The following BCL3 variants were observed in gnomAD, a reference collection of about 807,000 sequenced individuals.
The protein encoded by BCL3 is BCL3 transcription coactivator, also known as B-cell lymphoma 3 protein.
A neutral mutation model predicts 35.7 loss-of-function variants in BCL3; 15 were observed. The ratio of observed to expected loss-of-function variants is 0.42; its 90% confidence interval spans 0.28 to 0.65. BCL3 has a LOEUF of 0.65. BCL3 is among the 30% of genes least tolerant of loss of function. BCL3 has a pLI of 0.22. For missense variants in BCL3, 565 were observed against 641.7 expected (o/e 0.88, Z 1.29); for synonymous variants, 311 against 284.3 (o/e 1.09, Z -0.95).
At position 44,758,383 on chromosome 19, in the gene BCL3, C is replaced by T; in HGVS notation, c.1029C>T (p.Asp343=). Residue 343 remains aspartate (D), a synonymous_variant, in exon 7 of 9, where the codon GAC becomes GAT. Transcript: ENST00000164227. ...GCAGCCTCAAGAACTGCCACAACGA[C>T]ACGCCGCTCATGGTGGCGCGCAGCC... ...ADSSLKNCHN[D]TPLMVARSRR... 1 of 1,547,404 alleles carries T rather than the reference C, an allele frequency of 6.5e-7. No homozygotes were observed. The highest frequency in any genetic ancestry group is 8.7e-7 in the Non-Finnish European group (1 of 1,148,320).
In BCL3 at chr19:44,759,662, G is replaced by T; in HGVS notation, c.*47G>T. The T allele has an allele frequency of 7.1e-7, 1 of 1,414,142 alleles. No homozygotes were observed. The highest frequency in any genetic ancestry group is 9.5e-7 in the Non-Finnish European group (1 of 1,052,934). The allele number at this position is 1,414,142 out of a possible 1,614,324, so 87.6% of individuals were successfully genotyped here. ...TGGACTCATGAGGAGGGGCCCCCCT[G>T]CCCTGTGGGGTCAACCCTTCTGGAA... On this transcript the variant is annotated 3_prime_UTR_variant, in exon 9 of 9. Coordinates refer to ENST00000164227, the MANE Select transcript of BCL3 (RefSeq NM_005178.5).
At chr19:44,753,702 G>A (rs1967225403) in intron 2 of BCL3, among the ~76,000 whole-genome samples, 1 of 151,968 alleles carries the variant, frequency 6.6e-6, no homozygotes, top group African/African-American at 2.4e-5. Flanking sequence ...CCCCGCAGAA[G>A]CCAAAAGGTT....
At chr19:44,749,997 TC>T (rs1967146637) in intron 1 of BCL3, among the ~76,000 whole-genome samples, 1 of 152,102 alleles carries the variant, frequency 6.6e-6, no homozygotes, top group Non-Finnish European at 1.5e-5. Context: ...CCTATCTCCA[TC>T]CCTGATCTCA....
intron 6 of BCL3, 57 bp from the exon 7 acceptor site, chr19:44,758,189 G>A: frequency 2.8e-6 from 4 of 1,410,928 alleles, no homozygotes; most frequent in Non-Finnish European, 3.7e-6. Flanking sequence ...TCCAGCCTCT[G>A]TTCCCTTACC....
Position 44,759,796 on chromosome 19 carries a change from C to T in BCL3, c.*181C>T. The stretch of plus-strand genomic sequence containing the variant: ...CCTCTTCTGAGCACAGATGTTCCCC[C>T]ATCTCGCTCCCTCCCAGGACTCTGA... On this transcript the variant is annotated 3_prime_UTR_variant, in exon 9 of 9. Transcript: ENST00000164227. 1 of 526,716 alleles carries T rather than the reference C, an allele frequency of 1.9e-6. No individual in the cohort carries two copies. The highest frequency in any genetic ancestry group is 3.3e-6 in the Non-Finnish European group (1 of 301,364). The allele number at this position is 526,716 out of a possible 1,614,324, so 32.6% of individuals were successfully genotyped here. A position where few individuals can be genotyped will look rare whatever the true frequency, so the allele number is the denominator to read the frequency against.
rs112952736 is a variant in BCL3, at chr19:44,757,511, C to T, written c.813+96C>T. 95 of 1,491,092 alleles carry T rather than the reference C, an allele frequency of 6.4e-5. No homozygotes were observed. The African/African-American group carries it at 6.8e-4, about 11-fold the overall frequency. The allele number at this position is 1,491,092 out of a possible 1,614,324, so 92.4% of individuals were successfully genotyped here. A position where few individuals can be genotyped will look rare whatever the true frequency, so the allele number is the denominator to read the frequency against. On this transcript the variant is annotated intron_variant, in intron 5 of 8. Transcript: ENST00000164227. The surrounding 1 kb of genome is among the most constrained non-coding windows in gnomAD (Gnocchi z 8.4). The stretch of plus-strand genomic sequence containing the variant: ...AGTGTGGGGCTGGCGTGGGAGAGCA[C>T]CCGGGTGGGGTGGGGCTTGGAGTAT...
At chr19:44,751,169 G>A in intron 1 of BCL3, 58 bp from the exon 2 acceptor site, 2 of 1,556,874 alleles carry the variant, frequency 1.3e-6, no homozygotes, top group South Asian at 1.2e-5. Context: ...TGGGGGGCGG[G>A]TTGAGGGTCT....
intron 2 of BCL3, among the ~76,000 whole-genome samples, chr19:44,753,828 CGGGG>C (rs58964062): frequency 3.1e-5 from 1 of 32,492 alleles, no homozygotes; most frequent in Non-Finnish European, 7.2e-5. Flanking sequence ...AAGGCGGGGG[CGGGG>C]GGGGGGGGTG....
Position 44,757,492 on chromosome 19 carries a change from G to A in BCL3, c.813+77G>A, listed in dbSNP as rs1568546288. ...TCTTGGCGGGGGCGGGGCCAGTGTG[G>A]GGCTGGCGTGGGAGAGCACCCGGGT... On this transcript the variant is annotated intron_variant, in intron 5 of 8. Coordinates refer to ENST00000164227, the MANE Select transcript of BCL3 (RefSeq NM_005178.5). This position sits in a 1 kb window ranked among gnomAD's most constrained non-coding sequence, Gnocchi z 8.4. The A allele has an allele frequency of 1.3e-6, 2 of 1,487,352 alleles. No individual in the cohort carries two copies. The highest frequency in any genetic ancestry group is 1.4e-5 in the African/African-American group (1 of 71,852). The allele number at this position is 1,487,352 out of a possible 1,614,324, so 92.1% of individuals were successfully genotyped here.
chr19:44,753,982 C>G (rs1043087388), intron 2 of BCL3, among the ~76,000 whole-genome samples: 2 of 152,140 alleles, frequency 1.3e-5, no homozygotes, highest in Non-Finnish European at 2.9e-5. Flanking sequence ...TTTGCAGAGT[C>G]CCTTGTTCAA....
In BCL3 at chr19:44,748,889, C is replaced by T. The variant is rs1967119576; in HGVS notation, c.99C>T (p.Arg33=). 1 of 1,125,512 alleles carries T rather than the reference C, an allele frequency of 8.9e-7. No individual in the cohort carries two copies. Among genetic ancestry groups the T allele is most frequent in the Non-Finnish European group, 1.1e-6 (1 of 922,364 alleles). The allele number at this position is 1,125,512 out of a possible 1,614,324, so 69.7% of individuals were successfully genotyped here. ...AGLPGAALPL[R]KRPLRAPSPE... ...TCCCGGGCGCCGCGCTGCCGCTCCG[C>T]AAGCGCCCGCTGCGCGCGCCCTCCC... The change falls in exon 1 of 9, where the codon CGC becomes CGT. Residue 33 remains arginine, a synonymous_variant. Coordinates refer to ENST00000164227, the MANE Select transcript of BCL3 (RefSeq NM_005178.5).
chr19:44,757,364 C>T lies in BCL3; in HGVS notation c.762C>T (p.Cys254=), dbSNP rs1015324395. 1 of 1,606,718 alleles carries T rather than the reference C, an allele frequency of 6.2e-7. No homozygotes were observed. Among genetic ancestry groups the T allele is most frequent in the Non-Finnish European group, 8.5e-7 (1 of 1,176,790 alleles). The change falls in exon 5 of 9, where the codon TGC becomes TGT. Residue 254 remains cysteine (C), a synonymous_variant. Transcript: ENST00000164227. This position sits in a 1 kb window ranked among gnomAD's most constrained non-coding sequence, Gnocchi z 8.4. ...TALHVAVNTE[C]QETVQLLLER... is the part of the protein sequence containing the mutation. ...TGCACGTGGCAGTGAACACCGAGTG[C>T]CAAGAAACCGTGCAGCTCTTGCTAG... is the stretch of plus-strand genomic sequence containing the variant.
At chr19:44,747,793 G>T, upstream of BCL3, 2 of 1,082,308 alleles carry the variant, frequency 1.8e-6, no homozygotes, top group Non-Finnish European at 2.3e-6. Context: ...TTTCTCTCAA[G>T]ATCTCTGCGC....
At chr19:44,750,652 C>T (rs911911900) in intron 1 of BCL3, among the ~76,000 whole-genome samples, 3 of 152,084 alleles carry the variant, frequency 2.0e-5, no homozygotes, top group Non-Finnish European at 4.4e-5. Context: ...GCGTGGTGGT[C>T]AGCATCTGTA....
At position 44,757,793 on chromosome 19, in the gene BCL3, C is replaced by G; in HGVS notation, c.891+70C>G. ...CCCCAACCCGGCTCTGGCCTCAGCCCCTAGCTCTGACCCCGCCTTCCACTT... is the reference window on the plus strand; with the variant it reads ...CCCCAACCCGGCTCTGGCCTCAGCCGCTAGCTCTGACCCCGCCTTCCACTT... On this transcript the variant is annotated intron_variant, in intron 6 of 8. Coordinates refer to ENST00000164227, the MANE Select transcript of BCL3 (RefSeq NM_005178.5). The surrounding 1 kb of genome is among the most constrained non-coding windows in gnomAD (Gnocchi z 8.4). 6.8e-7 allele frequency: 1 copy of G among 1,469,940 alleles called. No homozygotes were observed. The highest frequency in any genetic ancestry group is 1.4e-5 in the African/African-American group (1 of 71,800). 91.1% of individuals were successfully genotyped at this position (1,469,940 alleles called of 1,614,324 possible).
intron 2 of BCL3, among the ~76,000 whole-genome samples, chr19:44,754,317 C>T (rs1967239512): frequency 6.6e-6 from 1 of 152,130 alleles, no homozygotes; most frequent in Non-Finnish European, 1.5e-5. Context: ...GGCGGGAGGA[C>T]TCGGGATTAT....
rs780052702 is a variant in BCL3 at position 44,758,276 on chromosome 19, T to A, written c.922T>A (p.Ser308Thr). 5.9e-6 allele frequency: 9 copies of A among 1,521,386 alleles called. No individual in the cohort carries two copies. The South Asian group carries it at 1.1e-4, about 19-fold the overall frequency. The allele number at this position is 1,521,386 out of a possible 1,614,324, so 94.2% of individuals were successfully genotyped here. A position where few individuals can be genotyped will look rare whatever the true frequency, so the allele number is the denominator to read the frequency against. The change falls in exon 7 of 9, where the codon TCC becomes ACC. Residue 308 changes from serine to threonine, a missense_variant. By Grantham distance (58) the Ser-to-Thr change is moderately conservative. This residue lies in a region of BCL3 where 39 missense variants were observed against 88.1 expected (regional missense o/e 0.44). Coordinates refer to ENST00000164227, the MANE Select transcript of BCL3 (RefSeq NM_005178.5). ...HGANVNAQMYSGSSALHSASG... is the reference protein window; with the variant it reads ...HGANVNAQMYTGSSALHSASG... ...CGCCAACGTGAACGCGCAAATGTACTCCGGCAGCTCCGCCCTGCACTCAGC... is the reference window on the plus strand; with the variant it reads ...CGCCAACGTGAACGCGCAAATGTACACCGGCAGCTCCGCCCTGCACTCAGC...
upstream of BCL3, chr19:44,748,029 C>G (rs1967098186): frequency 7.4e-7 from 1 of 1,343,632 alleles, no homozygotes; most frequent in Non-Finnish European, 9.8e-7. Context: ...TTCCTGGCCG[C>G]CTGCCGAGTG....
At position 44,757,199 on chromosome 19, in the gene BCL3, C is replaced by G. The variant is rs1263266983; in HGVS notation, c.702C>G (p.Asp234Glu). ...ACAGCGCAGCTCCGGGCACGTTGGA[C>G]CTGGAGGCCCGCAATTATGACGGTA... Reference protein sequence around the residue: ...LLDSAAPGTLDLEARNYDGLT... With the variant: ...LLDSAAPGTLELEARNYDGLT... Residue 234 changes from aspartate (D) to glutamate (E), a missense_variant, in exon 4 of 9, where the codon GAC becomes GAG. Physicochemically the swap from Asp to Glu is conservative, Grantham distance 45 (BLOSUM62 2). Transcript: ENST00000164227. This position sits in a 1 kb window ranked among gnomAD's most constrained non-coding sequence, Gnocchi z 8.4. 3 of 1,558,482 alleles carry G rather than the reference C, an allele frequency of 1.9e-6. No individual in the cohort carries two copies. Among genetic ancestry groups the G allele is most frequent in the Non-Finnish European group, 2.6e-6 (3 of 1,148,190 alleles).
Sources: allele counts gnomAD v4.1 joint callset (sites outside exome capture counted in the v4.1 genomes callset), GRCh38; gene constraint gnomAD v4.1.1; regional missense constraint gnomAD v4.1.1; non-coding constraint Gnocchi (gnomAD v3.1); transcripts MANE v1.5; gene names NCBI Gene and HGNC (gene_info 2026-07-23, HGNC 2026-07-21).